The following GALNT18 variants were observed in gnomAD, a reference collection of about 807,000 sequenced individuals.
The protein encoded by GALNT18 is GalNAc-transferase 18.
GALNT18 carries 44 observed loss-of-function variants against 69.5 expected under a neutral mutation model. That is an observed-to-expected ratio of 0.63 (90% CI 0.50 to 0.81). The LOEUF (loss-of-function observed/expected upper bound fraction) is 0.81. Ranked by LOEUF, GALNT18 falls within the 40% of genes least tolerant of loss-of-function variation. The probability of loss-of-function intolerance (pLI) is 0.00; values close to 1 mark genes in which losing one functional copy is unlikely to be tolerated. For synonymous variants in GALNT18, 364 were observed against 318.2 expected, an observed-to-expected ratio of 1.14 and a Z score of -1.53; for missense variants, 715 against 810.0, an observed-to-expected ratio of 0.88 and a Z score of 1.42.
In GALNT18 at chr11:11,619,792, C is replaced by T. The variant is rs1033396311; in HGVS notation, c.235+1567G>A. On this transcript the variant is annotated intron_variant, in intron 1 of 10. Transcript: ENST00000227756. This position sits in a 1 kb window ranked among gnomAD's most constrained non-coding sequence, Gnocchi z 4.9. ...GAAAAGGACACGTAAGAAATAACAG[C>T]AACTGGCACCCACAGATAGGTAAAT... is the stretch of plus-strand genomic sequence containing the variant. Among the ~76,000 whole-genome samples, 1 of 152,148 alleles carries T rather than the reference C, an allele frequency of 6.6e-6. No individual in the cohort carries two copies. Among genetic ancestry groups the T allele is most frequent in the African/African-American group, 2.4e-5 (1 of 41,416 alleles).
chr11:11,327,257 A>T, intron 8 of GALNT18, 76 bp from the exon 9 acceptor site: 1 of 1,086,262 alleles, frequency 9.2e-7, no homozygotes, highest in Non-Finnish European at 1.4e-6. Flanking sequence ...CTGGAGAAAC[A>T]AGTATTCTGC....
intron 2 of GALNT18, among the ~76,000 whole-genome samples, chr11:11,441,889 G>A (rs1173073702): frequency 1.3e-5 from 2 of 152,210 alleles, no homozygotes; most frequent in African/African-American, 4.8e-5. Flanking sequence ...AGTGACAGCA[G>A]AGCCTTAAAC....
At position 11,358,680 on chromosome 11, in the gene GALNT18, AG is replaced by A. The variant is rs1850580803; in HGVS notation, c.1092+13834del. On this transcript the variant is annotated intron_variant, in intron 6 of 10. Coordinates refer to ENST00000227756, the MANE Select transcript of GALNT18 (RefSeq NM_198516.3). ...AATTCTTGGTCTCAGAAGACCACAT[AG>A]AAAAACACTTACACCACCATACAAC... 2.9e-5 allele frequency among the ~76,000 whole-genome samples: 4 copies of A among 140,068 alleles called. 1 individual carries two copies. In the South Asian group the frequency reaches 8.8e-4, roughly 31 times the overall value. 91.9% of individuals were successfully genotyped at this position (140,068 alleles called of 152,430 possible). A position where few individuals can be genotyped will look rare whatever the true frequency, so the allele number is the denominator to read the frequency against.
At position 11,314,830 on chromosome 11, in the gene GALNT18, C is replaced by T. The variant is rs956685161; in HGVS notation, c.1512+12256G>A. Among the ~76,000 whole-genome samples the T allele has an allele frequency of 2.7e-5, 4 of 150,000 alleles. No individual in the cohort carries two copies. Among genetic ancestry groups the T allele is most frequent in the African/African-American group, 7.3e-5 (3 of 41,200 alleles). ...TAGCCCTCCTCTTCCCAGCCTTCGC[C>T]GTGGGAGCAGTTGCTCCTGGCTGTG... On this transcript the variant is annotated intron_variant, in intron 9 of 10. Transcript: ENST00000227756. This position sits in a 1 kb window ranked among gnomAD's most constrained non-coding sequence, Gnocchi z 5.2.
At chr11:11,507,809 C>A (rs1382083910) in intron 1 of GALNT18, among the ~76,000 whole-genome samples, 1 of 152,246 alleles carries the variant, frequency 6.6e-6, no homozygotes, top group Non-Finnish European at 1.5e-5. Flanking sequence ...TCCGGGTGGG[C>A]CCCATCTAAT....
chr11:11,566,175 T>C (rs1320024185), intron 1 of GALNT18, among the ~76,000 whole-genome samples: 1 of 152,168 alleles, frequency 6.6e-6, no homozygotes. Context: ...AATGCACAGG[T>C]TGGGAAACTT....
At chr11:11,608,812 C>T (rs554262226) in intron 1 of GALNT18, among the ~76,000 whole-genome samples, 1 of 152,182 alleles carries the variant, frequency 6.6e-6, no homozygotes, top group South Asian at 2.1e-4. Flanking sequence ...AGGCTTCCCT[C>T]TTGAAGGTAA....
intron 6 of GALNT18, among the ~76,000 whole-genome samples, chr11:11,351,593 A>G (rs1850403671): frequency 6.6e-6 from 1 of 152,180 alleles, no homozygotes; most frequent in African/African-American, 2.4e-5. Flanking sequence ...CCAAACTCAG[A>G]GACAGAAGTA....
chr11:11,290,822 A>G (rs1280748275), intron 10 of GALNT18, among the ~76,000 whole-genome samples: 16 of 152,088 alleles, frequency 1.1e-4, no homozygotes, highest in Non-Finnish European at 1.9e-4. Context: ...GGGCAGTAGA[A>G]AATGGTCCCT....
intron 10 of GALNT18, among the ~76,000 whole-genome samples, chr11:11,274,226 G>C (rs1185309536): frequency 6.6e-6 from 1 of 152,236 alleles, no homozygotes; most frequent in Non-Finnish European, 1.5e-5. Context: ...CCATGGTTCT[G>C]GGTTTCAAGC....
At chr11:11,286,681 C>A (rs556585892) in intron 10 of GALNT18, among the ~76,000 whole-genome samples, 43 of 152,234 alleles carry the variant, frequency 2.8e-4, no homozygotes, top group African/African-American at 1.0e-3. Flanking sequence ...CTGCCTCTGT[C>A]TCTGGCTTTT....
chr11:11,318,052 C>T lies in GALNT18; in HGVS notation c.1512+9034G>A, dbSNP rs138150749. Among the ~76,000 whole-genome samples, 193 of 152,264 alleles carry T rather than the reference C, an allele frequency of 1.3e-3. No individual in the cohort carries two copies. The highest frequency in any genetic ancestry group is 4.4e-3 in the African/African-American group (184 of 41,560). On this transcript the variant is annotated intron_variant, in intron 9 of 10. Coordinates refer to ENST00000227756, the MANE Select transcript of GALNT18 (RefSeq NM_198516.3). This position sits in a 1 kb window ranked among gnomAD's most constrained non-coding sequence, Gnocchi z 5.1. ...TTTTTGTGACAAAGACAAGATCTCC[C>T]GGACACACAGAAAACCACAACTTGC...
At chr11:11,281,661 T>G (rs542991597) in intron 10 of GALNT18, among the ~76,000 whole-genome samples, 1 of 152,294 alleles carries the variant, frequency 6.6e-6, no homozygotes, top group South Asian at 2.1e-4. Context: ...CAGAGGTTTC[T>G]GAGACATAAA....
At chr11:11,456,091 C>T (rs2133830731) in intron 1 of GALNT18, among the ~76,000 whole-genome samples, 1 of 152,234 alleles carries the variant, frequency 6.6e-6, no homozygotes, top group South Asian at 2.1e-4. Context: ...ACAAAAGAAA[C>T]AAACCACAGA....
chr11:11,425,481 G>A (rs1437748406), intron 3 of GALNT18, among the ~76,000 whole-genome samples: 2 of 152,220 alleles, frequency 1.3e-5, no homozygotes, highest in Non-Finnish European at 2.9e-5. Context: ...CCATTGCTTT[G>A]ATGTGCTTTT....
At chr11:11,615,986 TTTCTTC>T (rs375596533) in intron 1 of GALNT18, among the ~76,000 whole-genome samples, 4 of 152,162 alleles carry the variant, frequency 2.6e-5, no homozygotes, top group Non-Finnish European at 5.9e-5. Flanking sequence ...TGAGTCTTTT[TTTCTTC>T]TTCTTCTTCT....
At chr11:11,392,465 C>T (rs1854217077) in intron 3 of GALNT18, among the ~76,000 whole-genome samples, 1 of 152,078 alleles carries the variant, frequency 6.6e-6, no homozygotes, top group African/African-American at 2.4e-5. Context: ...ACTAAAAATA[C>T]AAAACTAGCT....
At chr11:11,464,094 T>C (rs1472480807) in intron 1 of GALNT18, among the ~76,000 whole-genome samples, 1 of 152,190 alleles carries the variant, frequency 6.6e-6, no homozygotes, top group Non-Finnish European at 1.5e-5. Flanking sequence ...GGTCCCAAGC[T>C]TATCTATCTC....
At chr11:11,335,223 TGA>T (rs1325143348) in intron 7 of GALNT18, among the ~76,000 whole-genome samples, 1 of 152,186 alleles carries the variant, frequency 6.6e-6, no homozygotes, top group Admixed American at 6.5e-5. Context: ...GAGTAAAAGA[TGA>T]GAGAGGTACA....
Sources: allele counts gnomAD v4.1 joint callset (sites outside exome capture counted in the v4.1 genomes callset), GRCh38; gene constraint gnomAD v4.1.1; non-coding constraint Gnocchi (gnomAD v3.1); transcripts MANE v1.5; gene names NCBI Gene and HGNC (gene_info 2026-07-23, HGNC 2026-07-21).